The following MACROD2 variants were observed in gnomAD, a reference collection of about 807,000 sequenced individuals.
MACROD2 encodes ADP-ribose glycohydrolase MACROD2.
Under a neutral mutation model 70.4 loss-of-function variants are expected in MACROD2, and 36 were observed. That is an observed-to-expected ratio of 0.51 (90% CI 0.39 to 0.68). MACROD2 has a LOEUF of 0.68. Among genes scored for constraint, MACROD2 ranks in the 30% least tolerant of loss-of-function variants. The pLI, the probability that MACROD2 is intolerant of heterozygous loss-of-function variation, is 0.00. For synonymous variants in MACROD2, 172 were observed against 178.8 expected, an observed-to-expected ratio of 0.96 and a Z score of 0.30; for missense variants, 496 against 538.4, an observed-to-expected ratio of 0.92 and a Z score of 0.78.
At chr20:15,360,026 C>T (rs1209574979) in intron 6 of MACROD2, among the ~76,000 whole-genome samples, 1 of 152,156 alleles carries the variant, frequency 6.6e-6, no homozygotes, top group Non-Finnish European at 1.5e-5. Flanking sequence ...CCATCTCTAA[C>T]ACCTGACAAT....
At chr20:15,323,960 A>G (rs759214620) in intron 6 of MACROD2, among the ~76,000 whole-genome samples, 1 of 152,114 alleles carries the variant, frequency 6.6e-6, no homozygotes, top group Non-Finnish European at 1.5e-5. Context: ...TAATACATGA[A>G]TAGGATTGCA....
intron 5 of MACROD2, among the ~76,000 whole-genome samples, chr20:14,764,321 C>T (rs919313382): frequency 1.3e-5 from 2 of 152,080 alleles, no homozygotes; most frequent in African/African-American, 4.8e-5. Context: ...CCCAGCGGGT[C>T]CCACTTTTTG....
At chr20:15,511,659 C>T (rs944010232) in intron 8 of MACROD2, among the ~76,000 whole-genome samples, 7 of 152,222 alleles carry the variant, frequency 4.6e-5, no homozygotes, top group African/African-American at 9.6e-5. Context: ...TATTTTGCAA[C>T]ATAAATGTTG....
intron 9 of MACROD2, among the ~76,000 whole-genome samples, chr20:15,871,311 A>T (rs1447614982): frequency 6.6e-6 from 1 of 152,154 alleles, no homozygotes; most frequent in Non-Finnish European, 1.5e-5. Context: ...TTTCACTTTT[A>T]AAAATCTTAG....
At chr20:14,634,103 G>A (rs1395365133) in intron 4 of MACROD2, among the ~76,000 whole-genome samples, 9 of 152,026 alleles carry the variant, frequency 5.9e-5, no homozygotes, top group African/African-American at 1.2e-4. Context: ...CCCACAACCC[G>A]CCACACCCCC....
At chr20:15,276,403 A>T in intron 6 of MACROD2, among the ~76,000 whole-genome samples, 1 of 103,568 alleles carries the variant, frequency 9.7e-6, no homozygotes, top group Non-Finnish European at 2.2e-5. Flanking sequence ...CCCTCTCAAA[A>T]AAATAAAAAA....
intron 5 of MACROD2, among the ~76,000 whole-genome samples, chr20:15,152,516 G>A (rs1618885): frequency 0.58 from 84,721 of 145,492 alleles, 25,147 homozygotes; most frequent in East Asian, 0.64. Flanking sequence ...ATAAGGGATC[G>A]GGGCACAGAG....
At chr20:15,316,333 C>T (rs1291160347) in intron 6 of MACROD2, among the ~76,000 whole-genome samples, 1 of 145,274 alleles carries the variant, frequency 6.9e-6, no homozygotes. Flanking sequence ...AATGTGGGTT[C>T]AAAGCAAAAA....
In MACROD2 at chr20:14,220,170, C is replaced by T. The variant is rs574465395; in HGVS notation, c.271+134442C>T. 2.6e-5 allele frequency among the ~76,000 whole-genome samples: 4 copies of T among 152,132 alleles called. No individual in the cohort carries two copies. In the East Asian group the frequency reaches 7.8e-4, roughly 29 times the overall value. The stretch of plus-strand genomic sequence containing the variant: ...CAGCTGGGAGTGGAACTAGGTGTGT[C>T]TGAGCTCAGACTGTCCTTGGGCGGG... On this transcript the variant is annotated intron_variant, in intron 3 of 17. Transcript: ENST00000684519.
intron 5 of MACROD2, among the ~76,000 whole-genome samples, chr20:14,977,870 T>C (rs2074756142): frequency 6.6e-6 from 1 of 152,180 alleles, no homozygotes; most frequent in East Asian, 1.9e-4. Flanking sequence ...TGGCTATCTA[T>C]GTATTCTGTT....
At chr20:16,005,988 A>G (rs1454237077) in intron 15 of MACROD2, among the ~76,000 whole-genome samples, 2 of 152,174 alleles carry the variant, frequency 1.3e-5, no homozygotes, top group East Asian at 3.9e-4. Flanking sequence ...AAGTGTAATT[A>G]GCTTAAGGCT....
At chr20:14,836,934 T>G (rs1658117483) in intron 5 of MACROD2, among the ~76,000 whole-genome samples, 2 of 151,946 alleles carry the variant, frequency 1.3e-5, no homozygotes, top group African/African-American at 4.8e-5. Context: ...ATAATGAAGG[T>G]AGTTTGTATA....
chr20:15,001,698 A>AT (rs1403995368), intron 5 of MACROD2, among the ~76,000 whole-genome samples: 1 of 151,486 alleles, frequency 6.6e-6, no homozygotes, highest in African/African-American at 2.4e-5. Context: ...ATGTTATCTT[A>AT]TTTTTTGTTT....
Position 14,453,509 on chromosome 20 carries a change from G to A in MACROD2, c.272-39970G>A, listed in dbSNP as rs182840406. On this transcript the variant is annotated intron_variant, in intron 3 of 17. Transcript: ENST00000684519. The stretch of plus-strand genomic sequence containing the variant: ...AATCTGTCTTTGCATTCCTAACCTC[G>A]TGAAACTGAGGCATATGCAGCATGC... Among the ~76,000 whole-genome samples the A allele has an allele frequency of 9.9e-5, 15 of 152,130 alleles. No individual in the cohort carries two copies. The East Asian group carries it at 1.4e-3, about 14-fold the overall frequency.
chr20:14,797,548 G>A (rs750542986), intron 5 of MACROD2, among the ~76,000 whole-genome samples: 3 of 151,886 alleles, frequency 2.0e-5, no homozygotes, highest in Admixed American at 6.6e-5. Context: ...CTTCCTCTCC[G>A]TTCTTTCTCA....
At chr20:15,193,038 A>T (rs1484341451) in intron 5 of MACROD2, among the ~76,000 whole-genome samples, 1 of 152,188 alleles carries the variant, frequency 6.6e-6, no homozygotes, top group Non-Finnish European at 1.5e-5. Context: ...GTGTCATTGA[A>T]GAAGCAAATC....
chr20:14,938,382 A>G (rs1734944182), intron 5 of MACROD2, among the ~76,000 whole-genome samples: 1 of 152,080 alleles, frequency 6.6e-6, no homozygotes. Context: ...GATAACAGCC[A>G]TTTTAACTGG....
At chr20:15,589,032 G>T (rs1352193878) in intron 8 of MACROD2, among the ~76,000 whole-genome samples, 1 of 152,212 alleles carries the variant, frequency 6.6e-6, no homozygotes, top group African/African-American at 2.4e-5. Flanking sequence ...AGACTGGGAA[G>T]AAAAAGAGGT....
chr20:15,378,590 C>T (rs1348050115), intron 6 of MACROD2, among the ~76,000 whole-genome samples: 1 of 151,938 alleles, frequency 6.6e-6, no homozygotes, highest in Non-Finnish European at 1.5e-5. Flanking sequence ...ATATAGTCTT[C>T]CTTTGTTTTG....
Sources: allele counts gnomAD v4.1 joint callset (sites outside exome capture counted in the v4.1 genomes callset), GRCh38; gene constraint gnomAD v4.1.1; transcripts MANE v1.5; gene names NCBI Gene and HGNC (gene_info 2026-07-23, HGNC 2026-07-21).